The following TMED3 variants were observed in gnomAD, a reference collection of about 807,000 sequenced individuals.
TMED3 encodes the protein transmembrane emp24 domain-containing protein 3.
A neutral mutation model predicts 15.0 loss-of-function variants in TMED3; 9 were observed. That is an observed-to-expected ratio of 0.60 (90% CI 0.36 to 1.04). TMED3 has a LOEUF of 1.04. TMED3 is among the 50% of genes least tolerant of loss of function. The pLI is 0.01. For missense variants in TMED3, 267 were observed against 278.9 expected, an observed-to-expected ratio of 0.96 and a Z score of 0.30; for synonymous variants, 117 against 121.4, an observed-to-expected ratio of 0.96 and a Z score of 0.24.
chr15:79,335,020 T>C (rs895597275), intron 2 of TMED3, among the ~76,000 whole-genome samples: 5 of 152,144 alleles, frequency 3.3e-5, no homozygotes, highest in African/African-American at 1.2e-4. Flanking sequence ...GAGAAGACTG[T>C]CTGAAAAACA....
intron 2 of TMED3, among the ~76,000 whole-genome samples, chr15:79,364,435 G>A (rs192327848): frequency 6.6e-6 from 1 of 152,164 alleles, no homozygotes; most frequent in Admixed American, 6.5e-5. Flanking sequence ...ACGGATAGGA[G>A]ACAGAGAAAT....
Position 79,394,189 on chromosome 15 carries a change from A to T in TMED3, c.418-17211A>T, listed in dbSNP as rs539407634. 5.3e-5 allele frequency among the ~76,000 whole-genome samples: 8 copies of T among 152,278 alleles called. No individual in the cohort carries two copies. In the South Asian group the frequency reaches 1.7e-3, roughly 32 times the overall value. ...GCACATTTAGGACCAAATGGCGTTT[A>T]CATAATAAATTAATGAAGGTGTCCC... is the stretch of plus-strand genomic sequence containing the variant. On this transcript the variant is annotated intron_variant, in intron 2 of 2. Coordinates refer to the TMED3 transcript ENST00000424155.
chr15:79,325,177 A>G (rs1253127324), downstream of TMED3, among the ~76,000 whole-genome samples: 1 of 152,190 alleles, frequency 6.6e-6, no homozygotes, highest in East Asian at 1.9e-4. Context: ...GAAATGGTCT[A>G]ATGGTGTTGG....
chr15:79,357,298 C>T (rs2058922978), intron 2 of TMED3, among the ~76,000 whole-genome samples: 1 of 150,860 alleles, frequency 6.6e-6, no homozygotes, highest in African/African-American at 2.4e-5. Context: ...CAGCCTGGGC[C>T]ACATAGTGAG....
intron 2 of TMED3, among the ~76,000 whole-genome samples, chr15:79,331,351 C>G (rs1451264157): frequency 6.6e-6 from 1 of 152,038 alleles, no homozygotes; most frequent in East Asian, 1.9e-4. Flanking sequence ...AACTGAAAAT[C>G]CACATGCAGA....
intron 2 of TMED3, among the ~76,000 whole-genome samples, chr15:79,400,122 C>G (rs1893815068): frequency 6.6e-6 from 1 of 152,214 alleles, no homozygotes; most frequent in Admixed American, 6.5e-5. Context: ...ACTTGTCATG[C>G]TCCTCCCAAC....
At chr15:79,403,435 G>A (rs1893861622) in intron 2 of TMED3, among the ~76,000 whole-genome samples, 1 of 151,838 alleles carries the variant, frequency 6.6e-6, no homozygotes, top group Non-Finnish European at 1.5e-5. Context: ...CTTCCCTAAG[G>A]AACTCTAACT....
intron 2 of TMED3, among the ~76,000 whole-genome samples, chr15:79,390,724 T>C (rs1220292623): frequency 6.6e-6 from 1 of 152,072 alleles, no homozygotes; most frequent in African/African-American, 2.4e-5. Flanking sequence ...TTTTGGACTT[T>C]TTTTTTAATT....
intron 2 of TMED3, among the ~76,000 whole-genome samples, chr15:79,350,097 A>G (rs2058886222): frequency 6.6e-6 from 1 of 152,180 alleles, no homozygotes; most frequent in African/African-American, 2.4e-5. Context: ...AGTGGCCAGC[A>G]CAGAGAAGGC....
intron 2 of TMED3, among the ~76,000 whole-genome samples, chr15:79,367,837 A>C (rs1567034099): frequency 6.6e-6 from 1 of 152,354 alleles, no homozygotes; most frequent in Non-Finnish European, 1.5e-5. Context: ...TTACAGATCA[A>C]AGGTAGATTC....
intron 2 of TMED3, among the ~76,000 whole-genome samples, chr15:79,373,460 C>T (rs973242898): frequency 2.6e-5 from 4 of 152,206 alleles, no homozygotes; most frequent in Admixed American, 6.5e-5. Context: ...AGTTTATCAT[C>T]TATCCCTTTC....
At chr15:79,393,046 A>T (rs928004218) in intron 2 of TMED3, among the ~76,000 whole-genome samples, 2 of 152,236 alleles carry the variant, frequency 1.3e-5, no homozygotes, top group African/African-American at 4.8e-5. Flanking sequence ...AGCTAGACTT[A>T]GCTCTCTGGC....
At chr15:79,358,369 G>A (rs980088984) in intron 2 of TMED3, among the ~76,000 whole-genome samples, 1 of 152,222 alleles carries the variant, frequency 6.6e-6, no homozygotes, top group African/African-American at 2.4e-5. Context: ...TTATTTCTGA[G>A]GTTTCAGACA....
intron 2 of TMED3, among the ~76,000 whole-genome samples, chr15:79,314,352 T>C (rs568028284): frequency 3.3e-5 from 5 of 152,356 alleles, no homozygotes; most frequent in Admixed American, 3.3e-4. Flanking sequence ...AAAGTCCTAC[T>C]TTGTGTGGTG....
At chr15:79,383,223 G>C in intron 2 of TMED3, 1 of 563,088 alleles carries the variant, frequency 1.8e-6, no homozygotes, top group Non-Finnish European at 3.1e-6. Flanking sequence ...GGACCATCCA[G>C]CTACCCGATT....
intron 2 of TMED3, among the ~76,000 whole-genome samples, chr15:79,385,979 AC>A (rs368809118): frequency 1.4e-3 from 208 of 152,312 alleles, no homozygotes; most frequent in African/African-American, 4.8e-3. Context: ...TCTTCATTTA[AC>A]CCCCATGTTC....
intron 2 of TMED3, among the ~76,000 whole-genome samples, chr15:79,340,063 A>G (rs1057194199): frequency 1.3e-5 from 2 of 152,210 alleles, no homozygotes; most frequent in African/African-American, 4.8e-5. Flanking sequence ...GCCAAATTAC[A>G]TGAATGTGTA....
chr15:79,377,089 A>G lies in TMED3; in HGVS notation c.418-34311A>G, dbSNP rs555040245. 3.3e-4 allele frequency among the ~76,000 whole-genome samples: 50 copies of G among 152,362 alleles called. 2 individuals carry two copies. Among genetic ancestry groups the G allele is most frequent in the Admixed American group, 2.9e-3 (45 of 15,310 alleles). On this transcript the variant is annotated intron_variant, in intron 2 of 2. Coordinates refer to the TMED3 transcript ENST00000424155. The stretch of plus-strand genomic sequence containing the variant: ...AGAGATTACAGGTATTACAGGTGTC[A>G]TAAAAAAGTACAGAATATCTAAATG...
At chr15:79,326,563 A>G (rs1254666184), downstream of TMED3, among the ~76,000 whole-genome samples, 1 of 152,198 alleles carries the variant, frequency 6.6e-6, no homozygotes, top group Non-Finnish European at 1.5e-5. Flanking sequence ...CAACCTTTGT[A>G]AATATTTCCT....
Sources: allele counts gnomAD v4.1 joint callset (sites outside exome capture counted in the v4.1 genomes callset), GRCh38; gene constraint gnomAD v4.1.1; transcripts MANE v1.5; gene names NCBI Gene and HGNC (gene_info 2026-07-23, HGNC 2026-07-21).